The following NUP93 variants were observed in gnomAD, a reference collection of about 807,000 sequenced individuals.
NUP93 encodes nuclear pore complex protein Nup93.
NUP93 carries 55 observed loss-of-function variants against 107.8 expected under a neutral mutation model. That is an observed-to-expected ratio of 0.51 (90% confidence interval 0.41 to 0.64). NUP93 has a LOEUF of 0.64. Among genes scored for constraint, NUP93 ranks in the 30% least tolerant of loss-of-function variants. NUP93 has a pLI of 0.00. For synonymous variants in NUP93, 390 were observed against 397.5 expected, an observed-to-expected ratio of 0.98 and a Z score of 0.22; for missense variants, 937 against 1,044.7, an observed-to-expected ratio of 0.90 and a Z score of 1.42.
chr16:56,758,347 A>G (rs1240418288), intron 2 of NUP93, among the ~76,000 whole-genome samples, 191 bp from the exon 3 acceptor site: 3 of 152,222 alleles, frequency 2.0e-5, no homozygotes, highest in East Asian at 3.8e-4. Context: ...TACAAAGTAC[A>G]GTGTTATGGC....
intron 3 of NUP93, among the ~76,000 whole-genome samples, chr16:56,797,194 C>T (rs762773768): frequency 2.0e-5 from 3 of 152,164 alleles, no homozygotes; most frequent in South Asian, 2.1e-4. Flanking sequence ...CGCTTGAACC[C>T]AGGAGGCTGA....
At position 56,846,170 on chromosome 16, in the gene NUP93, G is replaced by C. The variant is rs1316424292; in HGVS notation, c.*1561G>C. ...CTCACACCTGTAATCCTAGCACTTT[G>C]GGAGGCCAAGGCAGGTGATCACCTG... On this transcript the variant is annotated 3_prime_UTR_variant, in exon 22 of 22. Coordinates refer to ENST00000308159, the MANE Select transcript of NUP93 (RefSeq NM_014669.5). The C allele has an allele frequency of 4.8e-5, 7 of 146,462 alleles. No homozygotes were observed. The highest frequency in any genetic ancestry group is 1.3e-4 in the Admixed American group (2 of 14,830). 9.1% of individuals were successfully genotyped at this position (146,462 alleles called of 1,614,324 possible).
intron 1 of NUP93, chr16:56,747,933 T>C (rs1961848710): frequency 5.3e-6 from 1 of 190,142 alleles, no homozygotes; most frequent in Non-Finnish European, 1.1e-5. Flanking sequence ...TTTGAGTCTG[T>C]GGAAGGAGAC....
intron 5 of NUP93, among the ~76,000 whole-genome samples, chr16:56,811,504 T>C (rs1241774019): frequency 6.6e-6 from 1 of 151,186 alleles, no homozygotes; most frequent in Non-Finnish European, 1.5e-5. Context: ...TTATGAAATA[T>C]CATTTTGTTT....
At chr16:56,816,549 C>G (rs1403814898) in intron 5 of NUP93, among the ~76,000 whole-genome samples, 1 of 152,112 alleles carries the variant, frequency 6.6e-6, no homozygotes, top group African/African-American at 2.4e-5. Context: ...TATTTGCATT[C>G]AAGGCAGAAA....
At chr16:56,829,165 A>G in intron 9 of NUP93, 56 bp downstream of exon 9, 2 of 1,569,172 alleles carry the variant, frequency 1.3e-6, no homozygotes, top group East Asian at 2.3e-5. Context: ...TTGCCCTCAG[A>G]TGGGCATTTT....
intron 3 of NUP93, among the ~76,000 whole-genome samples, chr16:56,762,869 A>G (rs1038140413): frequency 1.3e-5 from 2 of 152,064 alleles, no homozygotes; most frequent in Admixed American, 6.5e-5. Flanking sequence ...CTCTTCCTCC[A>G]TCTTCACGGG....
At chr16:56,743,282 T>A (rs1460600262) in intron 1 of NUP93, among the ~76,000 whole-genome samples, 2 of 152,240 alleles carry the variant, frequency 1.3e-5, no homozygotes, top group African/African-American at 4.8e-5. Context: ...TCTTTCCACC[T>A]CATTTATGAA....
At chr16:56,822,870 T>G (rs1351816234) in intron 7 of NUP93, among the ~76,000 whole-genome samples, 1 of 152,194 alleles carries the variant, frequency 6.6e-6, no homozygotes, top group African/African-American at 2.4e-5. Flanking sequence ...ATTCCACCAC[T>G]TAGGAAGAGT....
At chr16:56,818,344 A>G (rs547305530) in intron 5 of NUP93, among the ~76,000 whole-genome samples, 20 of 152,224 alleles carry the variant, frequency 1.3e-4, no homozygotes, top group Non-Finnish European at 2.5e-4. Flanking sequence ...AGGATGAGGT[A>G]GAGAGGGGGC....
intron 3 of NUP93, among the ~76,000 whole-genome samples, chr16:56,765,545 T>G (rs890196710): frequency 6.6e-6 from 1 of 152,166 alleles, no homozygotes. Context: ...CAGGTACATT[T>G]TAGGCCAAGA....
chr16:56,742,607 C>T (rs1414597442), intron 1 of NUP93, among the ~76,000 whole-genome samples: 1 of 152,220 alleles, frequency 6.6e-6, no homozygotes, highest in Non-Finnish European at 1.5e-5. Context: ...ACTACCTGTC[C>T]TTTTACAGAA....
intron 3 of NUP93, among the ~76,000 whole-genome samples, chr16:56,784,759 G>A (rs1430988963): frequency 6.6e-6 from 1 of 152,166 alleles, no homozygotes; most frequent in Non-Finnish European, 1.5e-5. Flanking sequence ...ACAGAACTGG[G>A]TATCTGAAAA....
At chr16:56,818,916 G>T (rs929306709) in intron 6 of NUP93, among the ~76,000 whole-genome samples, 178 bp downstream of exon 6, 1 of 152,182 alleles carries the variant, frequency 6.6e-6, no homozygotes, top group Non-Finnish European at 1.5e-5. Flanking sequence ...TAGGGTAATA[G>T]AATTACTCAC....
chr16:56,764,094 T>C (rs1353111042), intron 3 of NUP93, among the ~76,000 whole-genome samples: 1 of 152,234 alleles, frequency 6.6e-6, no homozygotes, highest in Non-Finnish European at 1.5e-5. Flanking sequence ...ATATTCATTA[T>C]TTTCTTCCTT....
chr16:56,740,829 GCC>G (rs1281057468), intron 1 of NUP93: 1 of 178,588 alleles, frequency 5.6e-6, no homozygotes, highest in Non-Finnish European at 1.2e-5. Context: ...CTGGAGACCG[GCC>G]CGGCCAACAC....
intron 3 of NUP93, among the ~76,000 whole-genome samples, chr16:56,768,578 T>C (rs1379010646): frequency 6.6e-6 from 1 of 151,104 alleles, no homozygotes; most frequent in Non-Finnish European, 1.5e-5. Context: ...AAAAAAATTT[T>C]TTTTTTTGGC....
At chr16:56,739,940 C>G (rs1567371849) in intron 1 of NUP93, among the ~76,000 whole-genome samples, 2 of 101,898 alleles carry the variant, frequency 2.0e-5, no homozygotes, top group African/African-American at 8.5e-5. Context: ...GCTGGCCGGG[C>G]GGGGGGCCGA....
chr16:56,833,711 C>A (rs1168830689), intron 13 of NUP93, among the ~76,000 whole-genome samples: 2 of 151,856 alleles, frequency 1.3e-5, no homozygotes, highest in African/African-American at 4.8e-5. Flanking sequence ...GGTCTGATTC[C>A]CATTAGGGCT....
Sources: gnomAD v4.1 joint callset for allele counts (sites outside exome capture counted in the v4.1 genomes callset) on GRCh38, gnomAD v4.1.1 for gene constraint, MANE v1.5 for transcripts, NCBI Gene and HGNC (gene_info 2026-07-23, HGNC 2026-07-21) for gene names.